The following TVP23A variants were observed in gnomAD, a reference collection of about 807,000 sequenced individuals.
The protein encoded by TVP23A is Golgi apparatus membrane protein TVP23 homolog A.
TVP23A carries 21 observed loss-of-function variants against 31.7 expected under a neutral mutation model. The ratio of observed to expected loss-of-function variants is 0.66; its 90% CI spans 0.47 to 0.95. The LOEUF (loss-of-function observed/expected upper bound fraction) is 0.95. TVP23A is among the 40% of genes least tolerant of loss of function. The pLI, the probability that TVP23A is intolerant of heterozygous loss-of-function variation, is 0.00. For synonymous variants in TVP23A, 104 were observed against 96.0 expected, an observed-to-expected ratio of 1.08 and a Z score of -0.49; for missense variants, 279 against 255.6, an observed-to-expected ratio of 1.09 and a Z score of -0.62.
rs982284210 is a variant in TVP23A at position 10,779,438 on chromosome 16, C to T, written c.90-4342G>A. On this transcript the variant is annotated intron_variant, in intron 2 of 7. Coordinates refer to ENST00000299866, the MANE Select transcript of TVP23A (RefSeq NM_001079512.4). The surrounding 1 kb of genome is among the most constrained non-coding windows in gnomAD (Gnocchi z 4.9). ...CCATCGGGTCCTCCATCCTCCTGCT[C>T]CCCAGCAACATGGAGCACACACACA... is the stretch of plus-strand genomic sequence containing the variant. 1.3e-5 allele frequency among the ~76,000 whole-genome samples: 2 copies of T among 152,090 alleles called. No homozygotes were observed. The highest frequency in any genetic ancestry group is 4.2e-4 in the South Asian group (2 of 4,818).
At chr16:10,814,143 T>G (rs1389017921) in intron 2 of TVP23A, among the ~76,000 whole-genome samples, 2 of 152,020 alleles carry the variant, frequency 1.3e-5, no homozygotes, top group Non-Finnish European at 2.9e-5. Flanking sequence ...TTCATGTTCC[T>G]AGGCCCATCC....
chr16:10,780,897 C>A (rs541308603), intron 2 of TVP23A, among the ~76,000 whole-genome samples: 1 of 152,178 alleles, frequency 6.6e-6, no homozygotes, highest in South Asian at 2.1e-4. Flanking sequence ...GAGGGGACTA[C>A]CTTTTGTCTT....
rs1473219438 is a variant in TVP23A at position 10,779,028 on chromosome 16, T to A, written c.90-3932A>T. On this transcript the variant is annotated intron_variant, in intron 2 of 7. Transcript: ENST00000299866. This position sits in a 1 kb window ranked among gnomAD's most constrained non-coding sequence, Gnocchi z 4.9. ...GTGTGCGCTGACCCATGGTAAAATG[T>A]GGAAGTAAATGCATTCGAATAAATC... Among the ~76,000 whole-genome samples, 2 of 152,186 alleles carry A rather than the reference T, an allele frequency of 1.3e-5. No individual in the cohort carries two copies. The highest frequency in any genetic ancestry group is 1.3e-4 in the Admixed American group (2 of 15,266).
downstream of TVP23A, among the ~76,000 whole-genome samples, chr16:10,759,119 T>G (rs1567259772): frequency 6.6e-6 from 1 of 152,146 alleles, no homozygotes; most frequent in Non-Finnish European, 1.5e-5. The surrounding 1 kb of genome is among the most constrained non-coding windows in gnomAD (Gnocchi z 4.7). Context: ...CGACCCATAG[T>G]CTCACCTCAT....
chr16:10,814,459 C>T (rs916429680), intron 2 of TVP23A, among the ~76,000 whole-genome samples: 6 of 152,168 alleles, frequency 3.9e-5, no homozygotes, highest in Admixed American at 3.9e-4. Flanking sequence ...CTGATGATCC[C>T]TGTCCCTACC....
chr16:10,773,072 A>G (rs945623500), intron 5 of TVP23A, among the ~76,000 whole-genome samples: 1 of 152,160 alleles, frequency 6.6e-6, no homozygotes, highest in African/African-American at 2.4e-5. Flanking sequence ...CGAACTCCTG[A>G]GCTCAAGCAA....
intron 2 of TVP23A, among the ~76,000 whole-genome samples, chr16:10,802,299 T>C (rs1280873483): frequency 6.6e-6 from 1 of 151,050 alleles, no homozygotes; most frequent in Non-Finnish European, 1.5e-5. Flanking sequence ...TGTGTGTGTG[T>C]GTCAGAGTCT....
rs2032120216 is a variant in TVP23A at position 10,777,520 on chromosome 16, C to A, written c.90-2424G>T. Among the ~76,000 whole-genome samples, 2 of 152,164 alleles carry A rather than the reference C, an allele frequency of 1.3e-5. No individual in the cohort carries two copies. Among genetic ancestry groups the A allele is most frequent in the Admixed American group, 1.3e-4 (2 of 15,274 alleles). The stretch of plus-strand genomic sequence containing the variant: ...AAACGGAGTCCGAGTCAACAAACCA[C>A]AGGTGCCTCTACAACTGTGGGGCTT... On this transcript the variant is annotated intron_variant, in intron 2 of 7. Coordinates refer to ENST00000299866, the MANE Select transcript of TVP23A (RefSeq NM_001079512.4). The surrounding 1 kb of genome is among the most constrained non-coding windows in gnomAD (Gnocchi z 4.5).
At chr16:10,809,251 A>G (rs9939578) in intron 2 of TVP23A, among the ~76,000 whole-genome samples, 38,421 of 152,156 alleles carry the variant, frequency 0.25, 7,129 homozygotes, top group African/African-American at 0.52. Context: ...AGAAGGTGTC[A>G]TGGTCACTGT....
downstream of TVP23A, chr16:10,762,223 C>T (rs2030033259): frequency 5.5e-6 from 1 of 182,914 alleles, no homozygotes; most frequent in Non-Finnish European, 1.1e-5. Flanking sequence ...GGTGAAAATC[C>T]CTTAGGAAGG....
chr16:10,806,632 G>A (rs1053752140), intron 2 of TVP23A, among the ~76,000 whole-genome samples: 2 of 152,148 alleles, frequency 1.3e-5, no homozygotes, highest in Non-Finnish European at 2.9e-5. Context: ...CGCCTGAATA[G>A]CTGGGATTAC....
downstream of TVP23A, chr16:10,764,945 C>T (rs62027826): frequency 0.29 from 50,785 of 177,828 alleles, 7,501 homozygotes; most frequent in South Asian, 0.37. Flanking sequence ...TGGCTGCTGT[C>T]GAGGAAAGCT....
intron 2 of TVP23A, among the ~76,000 whole-genome samples, chr16:10,794,766 TGA>T (rs1030963100): frequency 3.3e-5 from 5 of 152,108 alleles, no homozygotes; most frequent in African/African-American, 1.2e-4. Flanking sequence ...TGTGTCTGTC[TGA>T]GAGGGGGCCA....
At chr16:10,784,492 C>A (rs2032620838) in intron 2 of TVP23A, among the ~76,000 whole-genome samples, 1 of 150,642 alleles carries the variant, frequency 6.6e-6, no homozygotes, top group African/African-American at 2.5e-5. Flanking sequence ...GCCTGGAAGG[C>A]AGAGGTTGCA....
intron 2 of TVP23A, 35 bp from the exon 3 acceptor site, chr16:10,775,131 G>C (rs1190823256): frequency 6.3e-7 from 1 of 1,583,994 alleles, no homozygotes; most frequent in East Asian, 2.3e-5. Flanking sequence ...CTCACTCCAA[G>C]AGCTAAGCGG....
intron 2 of TVP23A, among the ~76,000 whole-genome samples, chr16:10,803,083 A>C (rs2033778149): frequency 6.6e-6 from 1 of 152,188 alleles, no homozygotes; most frequent in Non-Finnish European, 1.5e-5. Context: ...CAGGAGTTCA[A>C]GACCAGCCTG....
In TVP23A at chr16:10,818,642, C is replaced by T. The variant is rs956597680; in HGVS notation, c.-149G>A. On this transcript the variant is annotated 5_prime_UTR_variant, in exon 1 of 8. Coordinates refer to ENST00000299866, the MANE Select transcript of TVP23A (RefSeq NM_001079512.4). The surrounding 1 kb of genome is among the most constrained non-coding windows in gnomAD (Gnocchi z 4.7). ...CCTGCGCCCTGTGGGGCAGCCTCAG[C>T]GCAGCTTCTCGGGTGGGGCGGGGCG... The T allele has an allele frequency of 9.0e-6, 9 of 998,448 alleles. No homozygotes were observed. Among genetic ancestry groups the T allele is most frequent in the Admixed American group, 3.6e-5 (1 of 27,466 alleles). 61.8% of individuals were successfully genotyped at this position (998,448 alleles called of 1,614,324 possible). A position where few individuals can be genotyped will look rare whatever the true frequency, so the allele number is the denominator to read the frequency against.
intron 2 of TVP23A, among the ~76,000 whole-genome samples, chr16:10,789,299 T>A (rs998524455): frequency 2.0e-5 from 3 of 151,518 alleles, no homozygotes; most frequent in African/African-American, 4.9e-5. Flanking sequence ...AGTGCAGAAT[T>A]CCCCCCCAAG....
chr16:10,790,562 G>A (rs1429494337), intron 2 of TVP23A, among the ~76,000 whole-genome samples: 1 of 152,068 alleles, frequency 6.6e-6, no homozygotes, highest in Non-Finnish European at 1.5e-5. Context: ...TGGGATTACA[G>A]GTGTGAGCCA....
Sources: allele counts gnomAD v4.1 joint callset (sites outside exome capture counted in the v4.1 genomes callset), GRCh38; gene constraint gnomAD v4.1.1; non-coding constraint Gnocchi (gnomAD v3.1); transcripts MANE v1.5; gene names NCBI Gene and HGNC (gene_info 2026-07-23, HGNC 2026-07-21).